DNAH7: variants seen among roughly 807,000 people sequenced by gnomAD.
The protein encoded by DNAH7 is dynein axonemal heavy chain 7, also known as axonemal beta dynein heavy chain 7.
DNAH7 carries 397 observed loss-of-function variants against 444.6 expected under a neutral mutation model. That is an observed-to-expected ratio of 0.89 (90% CI 0.82 to 0.97). The LOEUF is 0.97. DNAH7 is among the 50% of genes least tolerant of loss of function. DNAH7 has a pLI of 0.00. For synonymous variants in DNAH7, 1,636 were observed against 1,624.4 expected, an observed-to-expected ratio of 1.01 and a Z score of -0.17; for missense variants, 4,902 against 4,800.8, an observed-to-expected ratio of 1.02 and a Z score of -0.62.
chr2:195,922,169 T>C lies in DNAH7; in HGVS notation c.3854A>G (p.Asn1285Ser), dbSNP rs560900962. The C allele has an allele frequency of 3.1e-6, 5 of 1,612,266 alleles. No individual in the cohort carries two copies. Among genetic ancestry groups the C allele is most frequent in the Admixed American group, 1.7e-5 (1 of 60,014 alleles). The change falls in exon 24 of 65, where the codon AAT (asparagine) becomes AGT (serine). Residue 1285 changes from asparagine (N) to serine (S), a missense_variant. By Grantham distance (46) the Asn-to-Ser change is conservative. Coordinates refer to ENST00000312428, the MANE Select transcript of DNAH7 (RefSeq NM_018897.3). ...TTCATATCCATATCGCAAACCAGCA[T>C]TGATCATTTTTGTTTCTAAATGATT... The part of the protein sequence containing the change: ...QENHLETKMI[N>S]AGLRYGYEYL...
chr2:195,953,966 T>C (rs1345128835), intron 19 of DNAH7, among the ~76,000 whole-genome samples: 1 of 152,164 alleles, frequency 6.6e-6, no homozygotes, highest in Non-Finnish European at 1.5e-5. Context: ...CTTCCCTGAA[T>C]ACTAACATAT....
intron 54 of DNAH7, among the ~76,000 whole-genome samples, chr2:195,805,438 A>G (rs560702301): frequency 1.3e-5 from 2 of 152,270 alleles, no homozygotes; most frequent in Non-Finnish European, 2.9e-5. Flanking sequence ...ATATGAAGTG[A>G]AAACTTGTGA....
intron 60 of DNAH7, among the ~76,000 whole-genome samples, chr2:195,775,231 T>C (rs1695008282): frequency 6.6e-6 from 1 of 152,218 alleles, no homozygotes; most frequent in South Asian, 2.1e-4. Context: ...TGCAGATTGC[T>C]TTCCCACACC....
chr2:195,987,828 A>C, intron 13 of DNAH7, 129 bp downstream of exon 13: 1 of 915,812 alleles, frequency 1.1e-6, no homozygotes, highest in South Asian at 1.9e-5. Flanking sequence ...GACACATCAG[A>C]AGCTCAATAA....
chr2:195,760,432 C>T (rs752356894), intron 61 of DNAH7, among the ~76,000 whole-genome samples: 1 of 152,154 alleles, frequency 6.6e-6, no homozygotes, highest in African/African-American at 2.4e-5. Context: ...CAAACATAGA[C>T]AGTAGCCAGG....
In DNAH7 at chr2:196,068,696, C is replaced by A. The variant is rs761809318; in HGVS notation, c.15+1G>T. 45 of 1,551,572 alleles carry A rather than the reference C, an allele frequency of 2.9e-5. No homozygotes were observed. The highest frequency in any genetic ancestry group is 3.7e-5 in the Non-Finnish European group (43 of 1,147,310). On this transcript the variant is annotated splice_donor_variant, in intron 1 of 64. Transcript: ENST00000312428. LOFTEE classifies it high-confidence loss of function. ...AGCCTGGCAAAGAGCAGCCCTCTCA[C>A]CTGCTCACTGCTCATGGCTGCGAGG...
intron 12 of DNAH7, chr2:195,998,972 C>A (rs562489510): frequency 3.2e-6 from 2 of 618,786 alleles, no homozygotes; most frequent in African/African-American, 3.7e-5. Context: ...GAGCAGCTGC[C>A]CTGGGGACCC....
intron 19 of DNAH7, among the ~76,000 whole-genome samples, chr2:195,953,571 A>G (rs1690417395): frequency 6.6e-6 from 1 of 152,090 alleles, no homozygotes; most frequent in South Asian, 2.1e-4. Flanking sequence ...TCCCAGGGAG[A>G]TGGGAGTTTT....
chr2:195,753,043 G>C (rs1178450278), intron 63 of DNAH7, among the ~76,000 whole-genome samples: 1 of 152,188 alleles, frequency 6.6e-6, no homozygotes, highest in Non-Finnish European at 1.5e-5. Flanking sequence ...AGAGCATGTT[G>C]TAGGCTGACA....
At position 195,938,256 on chromosome 2, in the gene DNAH7, A is replaced by ATGATTT. The variant is rs1379236384; in HGVS notation, c.3079-1465_3079-1464insAAATCA. On this transcript the variant is annotated intron_variant, in intron 19 of 64. Coordinates refer to ENST00000312428, the MANE Select transcript of DNAH7 (RefSeq NM_018897.3). ...TAAAACATGAATATATAAATCATAT[A>ATGATTT]ATATAATTAGATCAATTTATCTTTA... is the stretch of plus-strand genomic sequence containing the variant. Among the ~76,000 whole-genome samples, 8 of 151,612 alleles carry ATGATTT rather than the reference A, an allele frequency of 5.3e-5. 1 individual carries two copies. In the South Asian group the frequency reaches 6.7e-4, roughly 13 times the overall value.
intron 61 of DNAH7, among the ~76,000 whole-genome samples, chr2:195,762,308 TAAGAG>T (rs1694382820): frequency 6.6e-6 from 1 of 151,876 alleles, no homozygotes; most frequent in Non-Finnish European, 1.5e-5. Flanking sequence ...TCACCTTCAT[TAAGAG>T]GAGAGGAAGG....
Position 195,771,893 on chromosome 2 carries a change from A to G in DNAH7, c.11203-3T>C. On this transcript the variant is annotated splice_polypyrimidine_tract_variant and splice_region_variant and intron_variant, in intron 60 of 64. Transcript: ENST00000312428. ...GCACCAGCACCTGCTGAACGAGACT[A>G]TGAAGAATCCAAACTATAACTCAAA... The G allele has an allele frequency of 6.2e-7, 1 of 1,613,558 alleles. No homozygotes were observed. Among genetic ancestry groups the G allele is most frequent in the Non-Finnish European group, 8.5e-7 (1 of 1,179,440 alleles).
rs529968544 is a variant in DNAH7 at position 195,858,460 on chromosome 2, G to T, written c.8067+14C>A. 3 of 1,560,034 alleles carry T rather than the reference G, an allele frequency of 1.9e-6. No homozygotes were observed. In the South Asian group the frequency reaches 3.6e-5, roughly 19 times the overall value. On this transcript the variant is annotated intron_variant, in intron 43 of 64. Transcript: ENST00000312428. ...ATGACATGTGTCCTAGAAAGTGTAT[G>T]GCGAAGCTCTTACCTGTGCAGTAAG...
chr2:195,977,754 A>G (rs1692299932), intron 15 of DNAH7, among the ~76,000 whole-genome samples: 1 of 152,134 alleles, frequency 6.6e-6, no homozygotes, highest in Non-Finnish European at 1.5e-5. Context: ...CAGCAAGAGA[A>G]AATAAACAAC....
At chr2:196,018,843 G>C (rs943905020) in intron 9 of DNAH7, among the ~76,000 whole-genome samples, 1 of 152,032 alleles carries the variant, frequency 6.6e-6, no homozygotes, top group African/African-American at 2.4e-5. Context: ...GTAACACAAA[G>C]GAAAAATGCT....
At chr2:196,043,942 T>G (rs1575090235) in intron 5 of DNAH7, among the ~76,000 whole-genome samples, 2 of 150,954 alleles carry the variant, frequency 1.3e-5, no homozygotes, top group Middle Eastern at 3.4e-3. Flanking sequence ...GGGAACACTT[T>G]TACACTGCTA....
chr2:195,908,187 G>A (rs1005743964), intron 25 of DNAH7, among the ~76,000 whole-genome samples: 1 of 151,986 alleles, frequency 6.6e-6, no homozygotes, highest in East Asian at 1.9e-4. Context: ...TATTCAAACT[G>A]CATGTAGAAT....
At chr2:195,898,752 T>C (rs1686508955) in intron 28 of DNAH7, among the ~76,000 whole-genome samples, 1 of 152,218 alleles carries the variant, frequency 6.6e-6, no homozygotes. Flanking sequence ...TGCACTAAGT[T>C]AGTTTAATAA....
chr2:195,919,017 G>T (rs1366934789), intron 24 of DNAH7, among the ~76,000 whole-genome samples: 1 of 152,052 alleles, frequency 6.6e-6, no homozygotes, highest in Non-Finnish European at 1.5e-5. Context: ...TTGGGAGCCC[G>T]AGGCTGGCAG....
Sources: gnomAD v4.1 joint callset for allele counts (sites outside exome capture counted in the v4.1 genomes callset) on GRCh38, gnomAD v4.1.1 for gene constraint, MANE v1.5 for transcripts, NCBI Gene and HGNC (gene_info 2026-07-23, HGNC 2026-07-21) for gene names.